PPM1L: variants seen among roughly 807,000 people sequenced by gnomAD.
PPM1L encodes the protein protein phosphatase 1L.
PPM1L carries 13 observed loss-of-function variants against 31.4 expected under a neutral mutation model. The ratio of observed to expected loss-of-function variants is 0.41; its 90% CI spans 0.27 to 0.66. The LOEUF (loss-of-function observed/expected upper bound fraction) is 0.66, where lower values mean the gene tolerates loss of function less well. Ranked by LOEUF, PPM1L falls within the 30% of genes least tolerant of loss-of-function variation. PPM1L has a pLI of 0.29. For synonymous variants in PPM1L, 184 were observed against 175.4 expected (o/e 1.05, Z -0.39); for missense variants, 326 against 453.7 (o/e 0.72, Z 2.56).
chr3:160,826,795 T>G (rs1713366977), intron 1 of PPM1L, among the ~76,000 whole-genome samples: 1 of 152,118 alleles, frequency 6.6e-6, no homozygotes, highest in Admixed American at 6.6e-5. Flanking sequence ...ATTGCAAAAT[T>G]TGACTTAGTT....
At chr3:160,908,782 G>C (rs1041721127) in intron 1 of PPM1L, among the ~76,000 whole-genome samples, 1 of 152,188 alleles carries the variant, frequency 6.6e-6, no homozygotes, top group African/African-American at 2.4e-5. Context: ...CTGTCTTACA[G>C]GGACAGGTAA....
rs1204425630 is a variant in PPM1L, at chr3:160,808,383, C to CTCTGTGTGTGTG, written c.399+51677_399+51678insCTGTGTGTGTGT. Among the ~76,000 whole-genome samples, 188 of 110,356 alleles carry CTCTGTGTGTGTG rather than the reference C, an allele frequency of 1.7e-3. 8 individuals are homozygous for CTCTGTGTGTGTG. The highest frequency in any genetic ancestry group is 5.9e-3 in the African/African-American group (166 of 28,020). The allele number at this position is 110,356 out of a possible 152,430, so 72.4% of individuals were successfully genotyped here. A position where few individuals can be genotyped will look rare whatever the true frequency, so the allele number is the denominator to read the frequency against. On this transcript the variant is annotated intron_variant, in intron 1 of 3. Coordinates refer to ENST00000498165, the MANE Select transcript of PPM1L (RefSeq NM_139245.4). ...TAAGAGCTGCAGTGCCAGGATTTTC[C>CTCTGTGTGTGTG]TGTGTGTGTGTGTGTGTGTGTGTGT...
intron 2 of PPM1L, among the ~76,000 whole-genome samples, chr3:161,042,012 C>T (rs1380835145): frequency 1.3e-5 from 2 of 151,930 alleles, no homozygotes; most frequent in African/African-American, 2.4e-5. Flanking sequence ...ATTCAACTCC[C>T]CACCACCACA....
chr3:160,811,501 A>G (rs1712803355), intron 1 of PPM1L, among the ~76,000 whole-genome samples: 1 of 152,280 alleles, frequency 6.6e-6, no homozygotes, highest in Non-Finnish European at 1.5e-5. Context: ...CAGAAAACCT[A>G]TGTGACTCAA....
intron 1 of PPM1L, among the ~76,000 whole-genome samples, chr3:160,770,353 G>T (rs1715217654): frequency 6.6e-6 from 1 of 152,154 alleles, no homozygotes; most frequent in Non-Finnish European, 1.5e-5. Flanking sequence ...TAAAAAGTTT[G>T]AGATAAAGGG....
intron 1 of PPM1L, among the ~76,000 whole-genome samples, chr3:160,784,011 T>C (rs963564466): frequency 1.3e-5 from 2 of 152,238 alleles, no homozygotes; most frequent in Non-Finnish European, 2.9e-5. Flanking sequence ...TTATGTGAAT[T>C]GTTATTTAAA....
At chr3:160,963,276 A>G (rs917578456) in intron 2 of PPM1L, among the ~76,000 whole-genome samples, 3 of 152,076 alleles carry the variant, frequency 2.0e-5, no homozygotes, top group Non-Finnish European at 4.4e-5. Context: ...CAACTTCCTA[A>G]TTACTAATCA....
chr3:160,904,733 AG>A (rs1165044154), intron 1 of PPM1L, among the ~76,000 whole-genome samples: 5 of 151,544 alleles, frequency 3.3e-5, no homozygotes, highest in Non-Finnish European at 4.4e-5. Context: ...AGAGGGAGAG[AG>A]AGAAAGAGAG....
At position 160,760,710 on chromosome 3, in the gene PPM1L, G is replaced by GT. The variant is rs200454441; in HGVS notation, c.399+4003_399+4004insT. ...TAATTTTTATCTACAGGCAAAAGGT[G>GT]GTTTTTTTTTTGTTTTTTTTTTTTA... On this transcript the variant is annotated intron_variant, in intron 1 of 3. Coordinates refer to ENST00000498165, the MANE Select transcript of PPM1L (RefSeq NM_139245.4). 7.7e-3 allele frequency among the ~76,000 whole-genome samples: 1,157 copies of GT among 151,186 alleles called. 9 individuals are homozygous for GT. Among genetic ancestry groups the GT allele is most frequent in the African/African-American group, 0.027 (1,094 of 41,240 alleles).
chr3:160,918,858 A>G (rs2108069365), intron 1 of PPM1L, among the ~76,000 whole-genome samples: 2 of 152,334 alleles, frequency 1.3e-5, no homozygotes, highest in South Asian at 4.1e-4. Flanking sequence ...TGCTAATGAT[A>G]AAAAATTAGA....
chr3:160,960,604 A>G, intron 1 of PPM1L, among the ~76,000 whole-genome samples: 1 of 133,004 alleles, frequency 7.5e-6, no homozygotes, highest in African/African-American at 2.9e-5. Flanking sequence ...GTGTGTGTGA[A>G]GTTTTATACT....
intron 1 of PPM1L, among the ~76,000 whole-genome samples, chr3:160,786,157 C>CTGTGTGTGTGTG (rs1239014226): frequency 1.3e-4 from 9 of 69,194 alleles, no homozygotes; most frequent in South Asian, 5.6e-4. Context: ...CTCTCTCTCT[C>CTGTGTGTGTGTG]TGTGTGTGTG....
chr3:160,918,797 C>T (rs76140249), intron 1 of PPM1L, among the ~76,000 whole-genome samples: 3,623 of 151,936 alleles, frequency 0.024, 121 homozygotes, highest in African/African-American at 0.068. Flanking sequence ...AATACCCTTG[C>T]CTGGAATAAT....
At chr3:161,002,655 C>T (rs1194050465) in intron 2 of PPM1L, among the ~76,000 whole-genome samples, 3 of 144,326 alleles carry the variant, frequency 2.1e-5, no homozygotes, top group Non-Finnish European at 4.5e-5. Flanking sequence ...AGTGTCTGTT[C>T]ATGTCCTTCG....
chr3:161,001,020 A>G (rs886705650), intron 2 of PPM1L, among the ~76,000 whole-genome samples: 1 of 152,226 alleles, frequency 6.6e-6, no homozygotes, highest in Non-Finnish European at 1.5e-5. Flanking sequence ...CTTCCTAGGC[A>G]TTTAATTTCA....
At chr3:161,013,038 A>G (rs1433881857) in intron 2 of PPM1L, among the ~76,000 whole-genome samples, 1 of 151,758 alleles carries the variant, frequency 6.6e-6, no homozygotes, top group African/African-American at 2.4e-5. Flanking sequence ...TTCTGCTCTG[A>G]TCTTAGTTAC....
At chr3:160,793,221 A>AGATAG (rs1712152850) in intron 1 of PPM1L, among the ~76,000 whole-genome samples, 3 of 152,204 alleles carry the variant, frequency 2.0e-5, no homozygotes, top group Non-Finnish European at 4.4e-5. Flanking sequence ...TTGAGAATGT[A>AGATAG]GTAAGATAAA....
intron 2 of PPM1L, among the ~76,000 whole-genome samples, chr3:161,043,072 T>G (rs1004124326): frequency 8.6e-5 from 13 of 151,106 alleles, no homozygotes; most frequent in Non-Finnish European, 1.8e-4. Context: ...GTGGTTGACT[T>G]CATTACATTT....
At chr3:160,809,079 G>A (rs143992369) in intron 1 of PPM1L, among the ~76,000 whole-genome samples, 13 of 152,200 alleles carry the variant, frequency 8.5e-5, no homozygotes, top group Non-Finnish European at 1.5e-4. Flanking sequence ...ACCAGCAAGC[G>A]TCCCAGAATC....
Sources: allele counts gnomAD v4.1 joint callset (sites outside exome capture counted in the v4.1 genomes callset), GRCh38; gene constraint gnomAD v4.1.1; transcripts MANE v1.5; gene names NCBI Gene and HGNC (gene_info 2026-07-23, HGNC 2026-07-21).